STXBP4: variants seen among roughly 807,000 people sequenced by gnomAD.
STXBP4 encodes syntaxin binding protein 4.
STXBP4 carries 55 observed loss-of-function variants against 76.1 expected under a neutral mutation model. The observed-to-expected ratio is 0.72, with a 90% CI of 0.58 to 0.91. The LOEUF (loss-of-function observed/expected upper bound fraction) is 0.91, where lower values mean the gene tolerates loss of function less well. STXBP4 is among the 40% of genes least tolerant of loss of function. The probability of loss-of-function intolerance (pLI) is 0.00; values close to 1 mark genes in which losing one functional copy is unlikely to be tolerated. For missense variants in STXBP4, 618 were observed against 636.9 expected, an observed-to-expected ratio of 0.97 and a Z score of 0.32; for synonymous variants, 201 against 220.2, an observed-to-expected ratio of 0.91 and a Z score of 0.77.
rs2079206058 is a variant in STXBP4 at position 55,077,982 on chromosome 17, G to A, written c.1189-96G>A. On this transcript the variant is annotated intron_variant, in intron 13 of 17. Transcript: ENST00000376352. Reference sequence around the variant, plus strand: ...TACAGTAAGAGAAAAAGATAATTTGGTAATATTGAATATTAGTTCATAAAA... The same window carrying A: ...TACAGTAAGAGAAAAAGATAATTTGATAATATTGAATATTAGTTCATAAAA... 6.8e-5 allele frequency: 49 copies of A among 719,468 alleles called. No homozygotes were observed. In the South Asian group the frequency reaches 9.7e-4, roughly 14 times the overall value. The allele number at this position is 719,468 out of a possible 1,614,324, so 44.6% of individuals were successfully genotyped here.
chr17:55,174,308 C>T (rs2080420935), downstream of STXBP4, among the ~76,000 whole-genome samples: 1 of 152,224 alleles, frequency 6.6e-6, no homozygotes, highest in African/African-American at 2.4e-5. Context: ...TTCCCATCGG[C>T]TGTGTATGAG....
chr17:55,047,674 CA>C (rs1487874943), intron 12 of STXBP4, among the ~76,000 whole-genome samples: 1 of 151,528 alleles, frequency 6.6e-6, no homozygotes, highest in Admixed American at 6.6e-5. Context: ...AATGAAAACC[CA>C]AATGACAAAA....
chr17:55,099,983 G>A (rs2079544457), intron 16 of STXBP4, among the ~76,000 whole-genome samples: 1 of 152,134 alleles, frequency 6.6e-6, no homozygotes, highest in Admixed American at 6.6e-5. Context: ...TCATGACTAT[G>A]AGTGAGGATG....
intron 16 of STXBP4, among the ~76,000 whole-genome samples, chr17:55,087,435 T>C (rs376288648): frequency 9.2e-5 from 14 of 152,162 alleles, no homozygotes; most frequent in African/African-American, 3.4e-4. Flanking sequence ...TCATTTTGAG[T>C]TGATTTTTGT....
chr17:54,990,940 G>A lies in STXBP4; in HGVS notation c.163G>A (p.Gly55Arg). The change falls in exon 4 of 18, where the codon GGA becomes AGA. Residue 55 changes from glycine (G) to arginine (R), a missense_variant. By Grantham distance (125) the Gly-to-Arg change is moderately radical (BLOSUM62 -2). Coordinates refer to ENST00000376352, the MANE Select transcript of STXBP4 (RefSeq NM_178509.6). ...GGTATATATTCAGGAAATTATTCCT[G>A]GAGGAGACTGTTATAAGGTAAAAAT... ...PLVYIQEIIP[G>R]GDCYKDGRLK... 1 of 1,581,446 alleles carries A rather than the reference G, an allele frequency of 6.3e-7. No individual in the cohort carries two copies. The highest frequency in any genetic ancestry group is 1.2e-5 in the South Asian group (1 of 84,592).
intron 17 of STXBP4, among the ~76,000 whole-genome samples, chr17:55,158,897 T>A (rs771332679): frequency 3.9e-5 from 6 of 152,206 alleles, no homozygotes; most frequent in Non-Finnish European, 7.4e-5. Flanking sequence ...GGATATTTGG[T>A]TTTTTAGAAT....
chr17:55,018,581 A>G (rs1483100976), intron 8 of STXBP4, among the ~76,000 whole-genome samples: 1 of 152,244 alleles, frequency 6.6e-6, no homozygotes, highest in Non-Finnish European at 1.5e-5. Flanking sequence ...TGTTTAAGCA[A>G]CAAGGCTGTT....
At chr17:55,121,901 A>G (rs2079847709) in intron 16 of STXBP4, among the ~76,000 whole-genome samples, 1 of 152,096 alleles carries the variant, frequency 6.6e-6, no homozygotes, top group African/African-American at 2.4e-5. Flanking sequence ...TTACGCCCCC[A>G]AGACGAAATG....
In STXBP4 at chr17:55,031,890, G is replaced by A. The variant is rs147220923; in HGVS notation, c.763+626G>A. The stretch of plus-strand genomic sequence containing the variant: ...GTAGTTCAAGCCTATGTTGTTCAGG[G>A]GTCAACTCTATTCTTATTAAAGATA... On this transcript the variant is annotated intron_variant, in intron 9 of 17. Transcript: ENST00000376352. Among the ~76,000 whole-genome samples, 152 of 152,016 alleles carry A rather than the reference G, an allele frequency of 1.0e-3. 1 individual carries two copies. The highest frequency in any genetic ancestry group is 3.9e-3 in the South Asian group (19 of 4,816).
intron 16 of STXBP4, among the ~76,000 whole-genome samples, chr17:55,139,344 A>G (rs2080069471): frequency 6.6e-6 from 1 of 152,172 alleles, no homozygotes; most frequent in Non-Finnish European, 1.5e-5. Flanking sequence ...AATTAGAAGG[A>G]CAGACACAGT....
At chr17:55,058,991 AAC>A (rs1171296135) in intron 12 of STXBP4, among the ~76,000 whole-genome samples, 2 of 152,112 alleles carry the variant, frequency 1.3e-5, no homozygotes, top group Non-Finnish European at 2.9e-5. Context: ...TTCTACAGTA[AAC>A]ACACTTTTTG....
chr17:55,191,278 A>G, the STXBP4 span, among the ~76,000 whole-genome samples: 1 of 152,094 alleles, frequency 6.6e-6, no homozygotes, highest in Non-Finnish European at 1.5e-5. Flanking sequence ...CTCAAACTAC[A>G]ATGTGCATAT....
the STXBP4 span, among the ~76,000 whole-genome samples, chr17:55,186,369 A>G: frequency 6.6e-6 from 1 of 152,246 alleles, no homozygotes; most frequent in African/African-American, 2.4e-5. Context: ...GGAAAAAGCG[A>G]TCTTAAGAAT....
intron 10 of STXBP4, among the ~76,000 whole-genome samples, chr17:55,036,627 A>G (rs1375432767): frequency 6.6e-6 from 1 of 151,614 alleles, no homozygotes; most frequent in Non-Finnish European, 1.5e-5. Context: ...ATATTTCTTT[A>G]TTTTTGTTTC....
chr17:55,032,730 T>TA (rs1249875937), intron 9 of STXBP4, among the ~76,000 whole-genome samples: 1 of 152,020 alleles, frequency 6.6e-6, no homozygotes, highest in Non-Finnish European at 1.5e-5. Context: ...GTTTGTGGAG[T>TA]ATATAGTGAG....
chr17:55,204,124 T>G, the STXBP4 span, among the ~76,000 whole-genome samples: 1 of 152,192 alleles, frequency 6.6e-6, no homozygotes, highest in South Asian at 2.1e-4. Context: ...CCTTCTATTT[T>G]TAATGCTATT....
Position 55,121,594 on chromosome 17 carries a change from T to A in STXBP4, c.1490-19716T>A, listed in dbSNP as rs548346081. Among the ~76,000 whole-genome samples the A allele has an allele frequency of 6.6e-5, 10 of 152,258 alleles. No individual in the cohort carries two copies. In the South Asian group the frequency reaches 2.1e-3, roughly 32 times the overall value. ...AATATCTTAATTAACCTTAATCCACTCTTCTGTTGTCTTTTTGTTTTTGTT... is the reference window on the plus strand; with the variant it reads ...AATATCTTAATTAACCTTAATCCACACTTCTGTTGTCTTTTTGTTTTTGTT... On this transcript the variant is annotated intron_variant, in intron 16 of 17. Coordinates refer to ENST00000376352, the MANE Select transcript of STXBP4 (RefSeq NM_178509.6).
chr17:55,055,288 AT>A (rs1054071320), intron 12 of STXBP4, among the ~76,000 whole-genome samples: 6 of 152,168 alleles, frequency 3.9e-5, no homozygotes, highest in African/African-American at 1.4e-4. Flanking sequence ...GAGGACTGCC[AT>A]TTAAAATATT....
chr17:55,212,520 C>A, the STXBP4 span, among the ~76,000 whole-genome samples: 1 of 151,918 alleles, frequency 6.6e-6, no homozygotes, highest in African/African-American at 2.4e-5. Flanking sequence ...ATTTAGTCAT[C>A]TTATCTGGAA....
Sources: gnomAD v4.1 joint callset for allele counts (sites outside exome capture counted in the v4.1 genomes callset) on GRCh38, gnomAD v4.1.1 for gene constraint, MANE v1.5 for transcripts, NCBI Gene and HGNC (gene_info 2026-07-23, HGNC 2026-07-21) for gene names.